IRF6: variants seen among roughly 807,000 people sequenced by gnomAD.
IRF6 encodes the protein interferon regulatory factor 6.
In IRF6, 6 loss-of-function variants were observed where a neutral mutation model predicts 51.4. The ratio of observed to expected loss-of-function variants is 0.12; its 90% CI spans 0.06 to 0.23. The LOEUF (loss-of-function observed/expected upper bound fraction) is 0.23, where lower values mean the gene tolerates loss of function less well. IRF6 is among the 10% of genes least tolerant of loss of function. The pLI is 1.00. For synonymous variants in IRF6, 178 were observed against 215.7 expected (o/e 0.83, Z 1.53); for missense variants, 348 against 585.2 (o/e 0.59, Z 4.18).
chr1:209,792,469 G>A (rs201461336), intron 5 of IRF6, 42 bp from the exon 6 acceptor site: 52 of 1,604,568 alleles, frequency 3.2e-5, no homozygotes, highest in East Asian at 2.9e-4. Context: ...GGTACCACAC[G>A]TGCACATCAC....
At chr1:209,800,365 TTTC>T in intron 3 of IRF6, among the ~76,000 whole-genome samples, 1 of 152,272 alleles carries the variant, frequency 6.6e-6, no homozygotes, top group East Asian at 1.9e-4. Flanking sequence ...ATCAGTGCTA[TTTC>T]TTATTTTTAA....
At chr1:209,801,183 CAAA>C (rs35878470) in intron 3 of IRF6, 54 bp downstream of exon 3, 11,718 of 1,020,696 alleles carry the variant, frequency 0.011, no homozygotes, top group Non-Finnish European at 0.012. Context: ...TTCCCCATGC[CAAA>C]AAAAAAAAAA....
chr1:209,791,298 C>G (rs1372623369), intron 6 of IRF6, among the ~76,000 whole-genome samples: 2 of 152,126 alleles, frequency 1.3e-5, no homozygotes, highest in African/African-American at 4.8e-5. Context: ...GAAGCAATAC[C>G]AAACAATTTT....
chr1:209,789,901 TTAAA>T (rs1453987216), intron 7 of IRF6, 116 bp from the exon 8 acceptor site: 3 of 738,784 alleles, frequency 4.1e-6, no homozygotes, highest in Non-Finnish European at 7.2e-6. Flanking sequence ...CTCACTAGTT[TTAAA>T]TTAATTAAAC....
At chr1:209,791,151 CAAGTA>C (rs2077866638) in intron 6 of IRF6, 1 of 662,734 alleles carries the variant, frequency 1.5e-6, no homozygotes, top group South Asian at 6.8e-5. Flanking sequence ...ACAATTGCAT[CAAGTA>C]AAGTGGTCCT....
Position 209,796,851 on chromosome 1 carries a change from C to T in IRF6, c.175-299G>A, listed in dbSNP as rs970363103. 5.9e-5 allele frequency among the ~76,000 whole-genome samples: 9 copies of T among 152,172 alleles called. No homozygotes were observed. The highest frequency in any genetic ancestry group is 2.0e-4 in the Admixed American group (3 of 15,280). On this transcript the variant is annotated intron_variant, in intron 3 of 8. Coordinates refer to ENST00000367021, the MANE Select transcript of IRF6 (RefSeq NM_006147.4). This position sits in a 1 kb window ranked among gnomAD's most constrained non-coding sequence, Gnocchi z 4.5. ...GCACTGGTACCGGCACTCATCAAGA[C>T]GACAATGCTCTAATGAAGGGCTGAA...
At chr1:209,791,046 A>G in intron 6 of IRF6, 159 bp from the exon 7 acceptor site, 1 of 985,412 alleles carries the variant, frequency 1.0e-6, no homozygotes, top group Non-Finnish European at 1.2e-6. Flanking sequence ...AGACATCAAC[A>G]TATCCCTGGA....
chr1:209,792,562 C>T, intron 5 of IRF6, 135 bp from the exon 6 acceptor site: 1 of 847,042 alleles, frequency 1.2e-6, no homozygotes, highest in African/African-American at 1.7e-5. Context: ...TCCAGCCCAT[C>T]AGTGATTCCC....
chr1:209,788,663 A>G lies in IRF6; in HGVS notation c.1180-19T>C. ...GAATGACCTGTTCAGGACACAGAAC[A>G]CAGGTGTATCCTCTGAGGAAAAGGT... On this transcript the variant is annotated intron_variant, in intron 8 of 8. Transcript: ENST00000367021. 6.3e-7 allele frequency: 1 copy of G among 1,591,660 alleles called. No individual in the cohort carries two copies. Among genetic ancestry groups the G allele is most frequent in the Non-Finnish European group, 8.6e-7 (1 of 1,159,628 alleles).
rs760985324 is a variant in IRF6 at position 209,796,581 on chromosome 1, A to G, written c.175-29T>C. On this transcript the variant is annotated intron_variant, in intron 3 of 8. Transcript: ENST00000367021. This position sits in a 1 kb window ranked among gnomAD's most constrained non-coding sequence, Gnocchi z 4.5. ...AGAACAAGAAACCACAGTGAGTCCT[A>G]TCATTGCCCAGAGCCACTGCAAAGC... 6.9e-6 allele frequency: 11 copies of G among 1,583,558 alleles called. No homozygotes were observed. In the Admixed American group the frequency reaches 1.5e-4, roughly 22 times the overall value.
intron 1 of IRF6, among the ~76,000 whole-genome samples, chr1:209,804,075 T>C: frequency 6.6e-6 from 1 of 152,210 alleles, no homozygotes. Context: ...ATATGATTCA[T>C]ATTTTCCTAC....
intron 3 of IRF6, among the ~76,000 whole-genome samples, chr1:209,800,277 C>T (rs1571985659): frequency 6.6e-6 from 1 of 152,330 alleles, no homozygotes; most frequent in East Asian, 1.9e-4. Flanking sequence ...TGTCTTAAGT[C>T]AAGCTTTGGT....
At chr1:209,802,504 T>G (rs2077950138) in intron 1 of IRF6, among the ~76,000 whole-genome samples, 1 of 152,240 alleles carries the variant, frequency 6.6e-6, no homozygotes, top group Non-Finnish European at 1.5e-5. Flanking sequence ...TTTGGTGTTC[T>G]TATTTTGTTT....
In IRF6 at chr1:209,802,526, G is replaced by A. The variant is rs538301997; in HGVS notation, c.-75-483C>T. ...TTCTTATTTTGTTTTTACTTAAGAT[G>A]AGAATGAGATGCCTGGAAAAAGAAC... On this transcript the variant is annotated intron_variant, in intron 1 of 8. Coordinates refer to ENST00000367021, the MANE Select transcript of IRF6 (RefSeq NM_006147.4). Among the ~76,000 whole-genome samples, 10 of 152,302 alleles carry A rather than the reference G, an allele frequency of 6.6e-5. No homozygotes were observed. In the South Asian group the frequency reaches 1.5e-3, roughly 22 times the overall value.
At chr1:209,801,527 A>T in intron 2 of IRF6, 111 bp from the exon 3 acceptor site, 1 of 871,976 alleles carries the variant, frequency 1.1e-6, no homozygotes, top group Non-Finnish European at 1.7e-6. Flanking sequence ...ACTAGATTAC[A>T]GCAAAGAAAC....
chr1:209,791,780 A>G (rs1207315269), intron 6 of IRF6, among the ~76,000 whole-genome samples: 1 of 151,770 alleles, frequency 6.6e-6, no homozygotes. Context: ...GTGTCAGCCA[A>G]TGTTTTTGTT....
At position 209,788,540 on chromosome 1, in the gene IRF6, G is replaced by C; in HGVS notation, c.1284C>G (p.Ile428Met). The change falls in exon 9 of 9, where the codon ATC (isoleucine) becomes ATG (methionine). Residue 428 changes from isoleucine to methionine, a missense_variant. Physicochemically the swap from Ile to Met is conservative, Grantham distance 10. This residue lies in a region of IRF6 where 48 missense variants were observed against 66.9 expected (regional missense o/e 0.72). Transcript: ENST00000367021. ...TCAGCTGAGCAACGATGTTATCCTT[G>C]ATGTCTGGGGTTGAGATCTGCAGGC... ...SVRLQISTPD[I>M]KDNIVAQLKQ... 6.2e-7 allele frequency: 1 copy of C among 1,614,130 alleles called. No individual in the cohort carries two copies.
Position 209,790,025 on chromosome 1 carries a change from C to T in IRF6, c.1061-240G>A, listed in dbSNP as rs2077859804. ...TGAACAGTACAAATTACAGAGGGTT[C>T]TCTTGGACATCATTGATCATGACTT... On this transcript the variant is annotated intron_variant, in intron 7 of 8. Coordinates refer to ENST00000367021, the MANE Select transcript of IRF6 (RefSeq NM_006147.4). The surrounding 1 kb of genome is among the most constrained non-coding windows in gnomAD (Gnocchi z 4.8). 6.6e-6 allele frequency among the ~76,000 whole-genome samples: 1 copy of T among 152,312 alleles called. No homozygotes were observed. The highest frequency in any genetic ancestry group is 1.9e-4 in the East Asian group (1 of 5,186).
Position 209,795,284 on chromosome 1 carries a change from A to T in IRF6, c.508+6T>A, listed in dbSNP as rs1418124005. 2 of 1,613,860 alleles carry T rather than the reference A, an allele frequency of 1.2e-6. No homozygotes were observed. The highest frequency in any genetic ancestry group is 2.7e-5 in the African/African-American group (2 of 74,880). ...TGTCTCTGTACCACCCATCATCCCC[A>T]CTCACCATTGATGTTCAGGAAGGGG... On this transcript the variant is annotated splice_donor_region_variant and intron_variant, in intron 5 of 8. Transcript: ENST00000367021.
Sources: allele counts gnomAD v4.1 joint callset (sites outside exome capture counted in the v4.1 genomes callset), GRCh38; gene constraint gnomAD v4.1.1; regional missense constraint gnomAD v4.1.1; non-coding constraint Gnocchi (gnomAD v3.1); transcripts MANE v1.5; gene names NCBI Gene and HGNC (gene_info 2026-07-23, HGNC 2026-07-21).